The following CDX2 variants were observed in gnomAD, a reference collection of about 807,000 sequenced individuals.
The protein encoded by CDX2 is caudal type homeobox 2.
Under a neutral mutation model 25.5 loss-of-function variants are expected in CDX2, and 7 were observed. That is an observed-to-expected ratio of 0.27 (90% CI 0.16 to 0.52). The LOEUF (loss-of-function observed/expected upper bound fraction) is 0.52, where lower values mean the gene tolerates loss of function less well. Ranked by LOEUF, CDX2 falls within the 20% of genes least tolerant of loss-of-function variation. The pLI is 0.97. For synonymous variants in CDX2, 222 were observed against 198.6 expected (o/e 1.12, Z -0.99); for missense variants, 375 against 431.4 (o/e 0.87, Z 1.16).
In CDX2 at chr13:27,968,666, T is replaced by C. The variant is rs1869469940; in HGVS notation, c.341A>G (p.His114Arg). Residue 114 changes from histidine (H) to arginine (R), a missense_variant, in exon 1 of 3, where the codon CAT becomes CGT. Physicochemically the swap from His to Arg is conservative, Grantham distance 29. Transcript: ENST00000381020. ...AMGYSSPADY[H>R]PHHHPHHHPH... ...GTGGTGATGCGGGTGGTGGTGCGGA[T>C]GGTAGTCTGCGGGGCTGCTGTAGCC... The C allele has an allele frequency of 2.0e-6, 3 of 1,533,916 alleles. No homozygotes were observed. The highest frequency in any genetic ancestry group is 1.7e-6 in the Non-Finnish European group (2 of 1,144,854).
Position 27,969,033 on chromosome 13 carries a change from C to T in CDX2, c.-27G>A, listed in dbSNP as rs867397708. Reference sequence around the variant, plus strand: ...GTGGCGAGGGTCCGGGAGCAGACCTCACCATGCTGCCTGGGGACCGACGCT... The same window carrying T: ...GTGGCGAGGGTCCGGGAGCAGACCTTACCATGCTGCCTGGGGACCGACGCT... On this transcript the variant is annotated 5_prime_UTR_variant, in exon 1 of 3. Coordinates refer to ENST00000381020, the MANE Select transcript of CDX2 (RefSeq NM_001265.6). 1 of 1,557,100 alleles carries T rather than the reference C, an allele frequency of 6.4e-7. No homozygotes were observed. The highest frequency in any genetic ancestry group is 8.7e-7 in the Non-Finnish European group (1 of 1,148,958).
Position 27,968,903 on chromosome 13 carries a change from G to T in CDX2, c.104C>A (p.Pro35Gln), listed in dbSNP as rs760227069. Residue 35 changes from proline to glutamine, a missense_variant, in exon 1 of 3, where the codon CCG becomes CAG. Coordinates refer to ENST00000381020, the MANE Select transcript of CDX2 (RefSeq NM_001265.6). ...NLAPQNFVSPPQYPDYGGYHV... is the reference protein window; with the variant it reads ...NLAPQNFVSPQQYPDYGGYHV... Reference sequence around the variant, plus strand: ...GTAACCGCCGTAGTCCGGGTACTGCGGGGGGCTGACGAAGTTCTGCGGCGC... The same window carrying T: ...GTAACCGCCGTAGTCCGGGTACTGCTGGGGGCTGACGAAGTTCTGCGGCGC... 5 of 1,607,688 alleles carry T rather than the reference G, an allele frequency of 3.1e-6. No individual in the cohort carries two copies. The highest frequency in any genetic ancestry group is 2.2e-5 in the East Asian group (1 of 44,740).
intron 2 of CDX2, 90 bp from the exon 3 acceptor site, chr13:27,963,459 G>A: frequency 1.8e-6 from 2 of 1,090,048 alleles, no homozygotes; most frequent in Non-Finnish European, 1.3e-6. Flanking sequence ...AACATCTTCT[G>A]CTCCAGCTAC....
In CDX2 at chr13:27,968,739, T is replaced by G. The variant is rs1566038344; in HGVS notation, c.268A>C (p.Asn90His). 2 of 1,510,106 alleles carry G rather than the reference T, an allele frequency of 1.3e-6. No individual in the cohort carries two copies. The highest frequency in any genetic ancestry group is 1.8e-4 in the Middle Eastern group (1 of 5,526). The allele number at this position is 1,510,106 out of a possible 1,614,324, so 93.5% of individuals were successfully genotyped here. Residue 90 changes from asparagine (N) to histidine (H), a missense_variant, in exon 1 of 3, where the codon AAC becomes CAC. Around this residue, in one of 3 missense-constraint regions of CDX2, gnomAD observed 253 missense variants for 247.5 expected, o/e 1.02. Coordinates refer to ENST00000381020, the MANE Select transcript of CDX2 (RefSeq NM_001265.6). Reference sequence around the variant, plus strand: ...CCGTTGAGGCCGTGAGCCACGGCGTTGGCGGCGGCCGCGGCGCCTCCGGGC... The same window carrying G: ...CCGTTGAGGCCGTGAGCCACGGCGTGGGCGGCGGCCGCGGCGCCTCCGGGC... Reference protein sequence around the residue: ...YAPGGAAAAANAVAHGLNGGS... With the variant: ...YAPGGAAAAAHAVAHGLNGGS...
Position 27,963,019 on chromosome 13 carries a change from G to T in CDX2, c.*96C>A, listed in dbSNP as rs1486601798. On this transcript the variant is annotated 3_prime_UTR_variant, in exon 3 of 3. Transcript: ENST00000381020. The stretch of plus-strand genomic sequence containing the variant: ...CCAGGTCTGTAGGTCTATGGCTGTG[G>T]GTGGGAGGGGAGGGGTCTCTCCTGA... 8 of 1,431,662 alleles carry T rather than the reference G, an allele frequency of 5.6e-6. No individual in the cohort carries two copies. The highest frequency in any genetic ancestry group is 6.5e-6 in the Non-Finnish European group (7 of 1,085,184). The allele number at this position is 1,431,662 out of a possible 1,614,324, so 88.7% of individuals were successfully genotyped here. A position where few individuals can be genotyped will look rare whatever the true frequency, so the allele number is the denominator to read the frequency against.
Position 27,962,915 on chromosome 13 carries a change from T to G in CDX2, c.*200A>C. ...GCAGAAAAAGCCAGATGGGAAAAAG[T>G]AAAAATCTGGGAGAGTATATTTCTT... is the stretch of plus-strand genomic sequence containing the variant. On this transcript the variant is annotated 3_prime_UTR_variant, in exon 3 of 3. Coordinates refer to ENST00000381020, the MANE Select transcript of CDX2 (RefSeq NM_001265.6). The G allele has an allele frequency of 1.7e-6, 1 of 596,764 alleles. No homozygotes were observed. The highest frequency in any genetic ancestry group is 2.6e-6 in the Non-Finnish European group (1 of 383,802). The allele number at this position is 596,764 out of a possible 1,614,324, so 37.0% of individuals were successfully genotyped here. A position where few individuals can be genotyped will look rare whatever the true frequency, so the allele number is the denominator to read the frequency against.
At chr13:27,963,612 T>C (rs755866786) in intron 2 of CDX2, among the ~76,000 whole-genome samples, 101 of 152,204 alleles carry the variant, frequency 6.6e-4, no homozygotes, top group Non-Finnish European at 1.3e-3. Context: ...AAGCAACTTT[T>C]ATCTACGTAT....
In CDX2 at chr13:27,963,122, G is replaced by A. The variant is rs754828776; in HGVS notation, c.935C>T (p.Thr312Ile). The change falls in exon 3 of 3, where the codon ACC becomes ATC. Residue 312 changes from threonine to isoleucine, a missense_variant. Thr to Ile is a moderately conservative substitution (Grantham distance 89). This residue lies in a region of CDX2 where 58 missense variants were observed against 59.4 expected (regional missense o/e 0.98). Transcript: ENST00000381020. ...PTGGVLNPTVTQ is the reference protein window; with the variant it reads ...PTGGVLNPTVIQ ...GCTGCAGAACCCGGTGGGTCACTGG[G>A]TGACGGTGGGGTTTAGCACCCCCCC... is the stretch of plus-strand genomic sequence containing the variant. 8.7e-6 allele frequency: 14 copies of A among 1,611,562 alleles called. No homozygotes were observed. Among genetic ancestry groups the A allele is most frequent in the Non-Finnish European group, 1.7e-6 (2 of 1,178,290 alleles).
chr13:27,967,705 G>A (rs1192720662), intron 1 of CDX2, among the ~76,000 whole-genome samples: 3 of 152,174 alleles, frequency 2.0e-5, no homozygotes, highest in Non-Finnish European at 2.9e-5. Flanking sequence ...CTGGAGCGGC[G>A]GCTTAATTCC....
chr13:27,965,028 G>A lies in CDX2; in HGVS notation c.542-13C>T, dbSNP rs368588724. The stretch of plus-strand genomic sequence containing the variant: ...GTCCTGGTTTTCACTGTGGAGGAAG[G>A]AGAAGTGAGGGCTGAGAACTGCAAG... On this transcript the variant is annotated splice_polypyrimidine_tract_variant and intron_variant, in intron 1 of 2. Coordinates refer to ENST00000381020, the MANE Select transcript of CDX2 (RefSeq NM_001265.6). 30 of 1,613,296 alleles carry A rather than the reference G, an allele frequency of 1.9e-5. No homozygotes were observed. The highest frequency in any genetic ancestry group is 3.3e-5 in the South Asian group (3 of 90,890).
Position 27,968,716 on chromosome 13 carries a change from G to A in CDX2, c.291C>T (p.Asn97=), listed in dbSNP as rs1388865174. 4 of 1,527,940 alleles carry A rather than the reference G, an allele frequency of 2.6e-6. No homozygotes were observed. Among genetic ancestry groups the A allele is most frequent in the African/African-American group, 2.8e-5 (2 of 71,566 alleles). The allele number at this position is 1,527,940 out of a possible 1,614,324, so 94.6% of individuals were successfully genotyped here. The change falls in exon 1 of 3, where the codon AAC becomes AAT. Residue 97 remains asparagine (N), a synonymous_variant. Coordinates refer to ENST00000381020, the MANE Select transcript of CDX2 (RefSeq NM_001265.6). ...AAANAVAHGL[N]GGSPAAAMGY... ...CCATGGCTGCGGCCGGGGAGCCACC[G>A]TTGAGGCCGTGAGCCACGGCGTTGG...
rs1483029763 is a variant in CDX2 at position 27,964,008 on chromosome 13, G to C, written c.688-639C>G. Among the ~76,000 whole-genome samples, 3 of 152,082 alleles carry C rather than the reference G, an allele frequency of 2.0e-5. No individual in the cohort carries two copies. The East Asian group carries it at 5.8e-4, about 29-fold the overall frequency. ...ATTCTGGATTAAACTAATACCCTTG[G>C]CTGTTTTTCACACTTCTTATATCCC... On this transcript the variant is annotated intron_variant, in intron 2 of 2. Coordinates refer to ENST00000381020, the MANE Select transcript of CDX2 (RefSeq NM_001265.6). The surrounding 1 kb of genome is among the most constrained non-coding windows in gnomAD (Gnocchi z 4.7).
chr13:27,963,026 G>A lies in CDX2; in HGVS notation c.*89C>T, dbSNP rs1224470680. 1.2e-5 allele frequency: 18 copies of A among 1,448,776 alleles called. No individual in the cohort carries two copies. The highest frequency in any genetic ancestry group is 2.8e-5 in the African/African-American group (2 of 70,840). 89.7% of individuals were successfully genotyped at this position (1,448,776 alleles called of 1,614,324 possible). A position where few individuals can be genotyped will look rare whatever the true frequency, so the allele number is the denominator to read the frequency against. On this transcript the variant is annotated 3_prime_UTR_variant, in exon 3 of 3. Transcript: ENST00000381020. ...TGTAGGTCTATGGCTGTGGGTGGGA[G>A]GGGAGGGGTCTCTCCTGAGGAGTCT...
Position 27,969,043 on chromosome 13 carries a change from C to T in CDX2, c.-37G>A. ...TCCGGGAGCAGACCTCACCATGCTG[C>T]CTGGGGACCGACGCTGGAGGCTGCC... is the stretch of plus-strand genomic sequence containing the variant. On this transcript the variant is annotated 5_prime_UTR_variant, in exon 1 of 3. Coordinates refer to ENST00000381020, the MANE Select transcript of CDX2 (RefSeq NM_001265.6). 2 of 1,524,628 alleles carry T rather than the reference C, an allele frequency of 1.3e-6. No homozygotes were observed. Among genetic ancestry groups the T allele is most frequent in the South Asian group, 2.3e-5 (2 of 87,384 alleles). The allele number at this position is 1,524,628 out of a possible 1,614,324, so 94.4% of individuals were successfully genotyped here.
Position 27,961,302 on chromosome 13 carries a change from C to T in CDX2, c.*1813G>A, listed in dbSNP as rs1045384428. ...CTGTTTCCCGGCTCTGCTCATCTTC[C>T]CCAACTGCCCTTAAGGCGCCTCCGT... On this transcript the variant is annotated 3_prime_UTR_variant, in exon 3 of 3. Coordinates refer to ENST00000381020, the MANE Select transcript of CDX2 (RefSeq NM_001265.6). Among the ~76,000 whole-genome samples, 2 of 152,206 alleles carry T rather than the reference C, an allele frequency of 1.3e-5. No homozygotes were observed. Among genetic ancestry groups the T allele is most frequent in the African/African-American group, 2.4e-5 (1 of 41,454 alleles).
intron 2 of CDX2, among the ~76,000 whole-genome samples, chr13:27,963,935 G>T (rs1869191077): frequency 1.3e-5 from 2 of 152,138 alleles, no homozygotes; most frequent in African/African-American, 4.8e-5. Flanking sequence ...TACAGTGCTG[G>T]AAACAAAGAG....
intron 1 of CDX2, among the ~76,000 whole-genome samples, chr13:27,966,798 G>C (rs1465624714): frequency 6.6e-6 from 1 of 152,118 alleles, no homozygotes; most frequent in Non-Finnish European, 1.5e-5. Context: ...CCCTCTTTCC[G>C]GGCCCTAAAA....
Position 27,963,377 on chromosome 13 carries a change from T to G in CDX2, c.688-8A>C. On this transcript the variant is annotated splice_polypyrimidine_tract_variant and splice_region_variant and intron_variant, in intron 2 of 2. Transcript: ENST00000381020. ...CTGAAACCAGATTTTAACCTAGAAA[T>G]GGAAAGGTGGAGAAAAGCACATTGT... is the stretch of plus-strand genomic sequence containing the variant. 6.4e-7 allele frequency: 1 copy of G among 1,551,734 alleles called. No individual in the cohort carries two copies. Among genetic ancestry groups the G allele is most frequent in the South Asian group, 1.2e-5 (1 of 83,646 alleles).
In CDX2 at chr13:27,964,758, C is replaced by T; in HGVS notation, c.687+112G>A. ...GACTCCAAAGACGAATGCTTGCATCCTCCTGCTTCAGTCTCTCCACAGATT... is the reference window on the plus strand; with the variant it reads ...GACTCCAAAGACGAATGCTTGCATCTTCCTGCTTCAGTCTCTCCACAGATT... On this transcript the variant is annotated intron_variant, in intron 2 of 2. Coordinates refer to ENST00000381020, the MANE Select transcript of CDX2 (RefSeq NM_001265.6). The surrounding 1 kb of genome is among the most constrained non-coding windows in gnomAD (Gnocchi z 4.7). 1 of 882,700 alleles carries T rather than the reference C, an allele frequency of 1.1e-6. No homozygotes were observed. The highest frequency in any genetic ancestry group is 1.8e-6 in the Non-Finnish European group (1 of 568,260). The allele number at this position is 882,700 out of a possible 1,614,324, so 54.7% of individuals were successfully genotyped here.
Sources: gnomAD v4.1 joint callset for allele counts (sites outside exome capture counted in the v4.1 genomes callset) on GRCh38, gnomAD v4.1.1 for gene constraint, gnomAD v4.1.1 regional missense constraint, Gnocchi (gnomAD v3.1) non-coding constraint, MANE v1.5 for transcripts, NCBI Gene and HGNC (gene_info 2026-07-23, HGNC 2026-07-21) for gene names.